SUPT6H: variants seen among roughly 807,000 people sequenced by gnomAD.
The protein encoded by SUPT6H is SPT6 homolog, histone chaperone and transcription elongation factor, also known as transcription elongation factor SPT6.
Under a neutral mutation model 222.3 loss-of-function variants are expected in SUPT6H, and 11 were observed. The ratio of observed to expected loss-of-function variants is 0.05; its 90% CI spans 0.03 to 0.08. The LOEUF is 0.08. SUPT6H is among the 10% of genes least tolerant of loss of function. The probability of loss-of-function intolerance (pLI) is 1.00; values close to 1 mark genes in which losing one functional copy is unlikely to be tolerated. For synonymous variants in SUPT6H, 762 were observed against 801.2 expected, an observed-to-expected ratio of 0.95 and a Z score of 0.83; for missense variants, 1,422 against 2,216.0, an observed-to-expected ratio of 0.64 and a Z score of 7.19.
Position 28,701,452 on chromosome 17 carries a change from G to A in SUPT6H, c.5008G>A (p.Ala1670Thr). 1 of 1,614,100 alleles carries A rather than the reference G, an allele frequency of 6.2e-7. No individual in the cohort carries two copies. The highest frequency in any genetic ancestry group is 8.5e-7 in the Non-Finnish European group (1 of 1,179,994). ...TTCCCCTCCCAGGTCCAACAGCCAT[G>A]CAGCCATCGACTGGGGAAAAATGGC... Reference protein sequence around the residue: ...RQQQPKSNSHAAIDWGKMAEQ... With the variant: ...RQQQPKSNSHTAIDWGKMAEQ... The change falls in exon 37 of 37, where the codon GCA (alanine) becomes ACA (threonine). Residue 1670 changes from alanine to threonine, a missense_variant. Ala to Thr is a moderately conservative substitution (Grantham distance 58, BLOSUM62 0). Around this residue, in one of 13 missense-constraint regions of SUPT6H, gnomAD observed 395 missense variants for 580.6 expected, o/e 0.68. Coordinates refer to ENST00000314616, the MANE Select transcript of SUPT6H (RefSeq NM_003170.5).
At position 28,674,480 on chromosome 17, in the gene SUPT6H, G is replaced by A. The variant is rs991221567; in HGVS notation, c.268+39G>A. 12 of 1,614,064 alleles carry A rather than the reference G, an allele frequency of 7.4e-6. No homozygotes were observed. In the East Asian group the frequency reaches 1.1e-4, roughly 15 times the overall value. ...CGTTGGCTCAAGTGAGGCTTGGGTG[G>A]AGGTTGCAGTGGAAAAGGGCAACCC... On this transcript the variant is annotated intron_variant, in intron 3 of 36. Transcript: ENST00000314616.
chr17:28,668,284 C>A (rs1383937142), intron 1 of SUPT6H, among the ~76,000 whole-genome samples: 1 of 152,174 alleles, frequency 6.6e-6, no homozygotes, highest in Non-Finnish European at 1.5e-5. Context: ...CTACATCAGG[C>A]TCATCATAGA....
intron 17 of SUPT6H, 95 bp from the exon 18 acceptor site, chr17:28,684,491 C>T: frequency 6.8e-7 from 1 of 1,460,056 alleles, no homozygotes; most frequent in Non-Finnish European, 9.5e-7. Flanking sequence ...CACCCTCGCA[C>T]ATGTGTGTAT....
Position 28,690,357 on chromosome 17 carries a change from T to G in SUPT6H, c.3490+128T>G, listed in dbSNP as rs142492753. ...ACATGGGGAAGGCCAGGAGAGCATT[T>G]TAAAAGACTAAAGAGTCCTGGACTG... On this transcript the variant is annotated intron_variant, in intron 26 of 36. Coordinates refer to ENST00000314616, the MANE Select transcript of SUPT6H (RefSeq NM_003170.5). The G allele has an allele frequency of 4.1e-4, 489 of 1,186,516 alleles. 4 individuals carry two copies. The African/African-American group carries it at 5.4e-3, about 13-fold the overall frequency. The allele number at this position is 1,186,516 out of a possible 1,614,324, so 73.5% of individuals were successfully genotyped here.
chr17:28,693,592 G>A, intron 27 of SUPT6H, 104 bp from the exon 28 acceptor site: 1 of 1,341,838 alleles, frequency 7.5e-7, no homozygotes, highest in East Asian at 2.3e-5. Flanking sequence ...CATGGTGCAA[G>A]GTGTCAATGG....
intron 19 of SUPT6H, among the ~76,000 whole-genome samples, chr17:28,685,390 A>G (rs1434644075): frequency 6.6e-6 from 1 of 152,102 alleles, no homozygotes; most frequent in Non-Finnish European, 1.5e-5. Flanking sequence ...TATCTGTAGT[A>G]TCTTTCAGTT....
chr17:28,700,765 C>T (rs1322396264), intron 35 of SUPT6H, 176 bp from the exon 36 acceptor site: 6 of 939,448 alleles, frequency 6.4e-6, no homozygotes, highest in African/African-American at 1.6e-5. Flanking sequence ...GACCAGTGGG[C>T]ACCACTGTGT....
In SUPT6H at chr17:28,691,072, T is replaced by C. The variant is rs1022752015; in HGVS notation, c.3633+9T>C. The C allele has an allele frequency of 3.7e-6, 6 of 1,612,330 alleles. No individual in the cohort carries two copies. Among genetic ancestry groups the C allele is most frequent in the East Asian group, 4.5e-5 (2 of 44,828 alleles). ...TCCCTGAACTAAGCGAGGTGTGTGC[T>C]GCAGCATTATCCTGCTCAGTGGATT... On this transcript the variant is annotated intron_variant, in intron 27 of 36. Coordinates refer to ENST00000314616, the MANE Select transcript of SUPT6H (RefSeq NM_003170.5).
At position 28,689,432 on chromosome 17, in the gene SUPT6H, G is replaced by A; in HGVS notation, c.3213G>A (p.Val1071=). The part of the protein sequence containing the change: ...ETYEWARKMA[V]DALEYDESAE... ...ATGAGTGGGCTAGGAAGATGGCAGT[G>A]GATGCCCTGGAATACGATGAATCAG... Residue 1071 remains valine (V), a synonymous_variant, in exon 25 of 37, where the codon GTG becomes GTA. Coordinates refer to ENST00000314616, the MANE Select transcript of SUPT6H (RefSeq NM_003170.5). 6.2e-7 allele frequency: 1 copy of A among 1,614,222 alleles called. No homozygotes were observed. The highest frequency in any genetic ancestry group is 8.5e-7 in the Non-Finnish European group (1 of 1,180,044).
At chr17:28,678,012 G>A in intron 8 of SUPT6H, 64 bp from the exon 9 acceptor site, 1 of 1,522,124 alleles carries the variant, frequency 6.6e-7, no homozygotes, top group Non-Finnish European at 9.1e-7. Context: ...TTATTAAGCA[G>A]TCTTGTATGG....
At chr17:28,666,447 C>T (rs1005779952) in intron 1 of SUPT6H, among the ~76,000 whole-genome samples, 1 of 152,112 alleles carries the variant, frequency 6.6e-6, no homozygotes, top group Non-Finnish European at 1.5e-5. Context: ...CTGTTAATCT[C>T]TCTTTGTGTT....
At chr17:28,682,149 TC>T (rs1256576067) in intron 13 of SUPT6H, 169 bp downstream of exon 13, 1 of 529,404 alleles carries the variant, frequency 1.9e-6, no homozygotes, top group Non-Finnish European at 3.4e-6. Context: ...CCAAACCCAT[TC>T]CCGCCCGACA....
At position 28,696,997 on chromosome 17, in the gene SUPT6H, A is replaced by G. The variant is rs766487729; in HGVS notation, c.4124A>G (p.Asp1375Gly). The G allele has an allele frequency of 5.0e-6, 8 of 1,614,108 alleles. No individual in the cohort carries two copies. In the East Asian group the frequency reaches 1.8e-4, roughly 36 times the overall value. The change falls in exon 30 of 37, where the codon GAT becomes GGT. Residue 1375 changes from aspartate to glycine, a missense_variant. This residue lies in a region of SUPT6H where 395 missense variants were observed against 580.6 expected (regional missense o/e 0.68). Coordinates refer to ENST00000314616, the MANE Select transcript of SUPT6H (RefSeq NM_003170.5). ...NHLTVTWKVS[D>G]GIYQHVDVRE... ...CTGACAGTGACCTGGAAAGTCAGTG[A>G]TGGCATCTACCAGCATGTGGATGTG...
At chr17:28,697,521 G>A (rs2151663965) in intron 30 of SUPT6H, 99 bp from the exon 31 acceptor site, 3 of 916,854 alleles carry the variant, frequency 3.3e-6, no homozygotes, top group Non-Finnish European at 5.2e-6. Flanking sequence ...GCTATGGACT[G>A]AGAAGCCCAT....
At chr17:28,686,217 C>T (rs1322269432) in intron 19 of SUPT6H, 122 bp from the exon 20 acceptor site, 67 of 875,722 alleles carry the variant, frequency 7.7e-5, no homozygotes, top group Non-Finnish European at 1.2e-4. Context: ...CTTGGTAGCA[C>T]CTTGGACCAG....
intron 6 of SUPT6H, 72 bp downstream of exon 6, chr17:28,675,557 G>A: frequency 8.5e-6 from 13 of 1,534,626 alleles, no homozygotes; most frequent in Non-Finnish European, 1.2e-5. Context: ...GAGATCAGAG[G>A]CCTTTGCCAA....
Position 28,675,408 on chromosome 17 carries a change from C to T in SUPT6H, c.546C>T (p.Asp182=), listed in dbSNP as rs2030687027. Residue 182 remains aspartate (D), a synonymous_variant, in exon 6 of 37, where the codon GAC becomes GAT. Coordinates refer to ENST00000314616, the MANE Select transcript of SUPT6H (RefSeq NM_003170.5). ...CATCCTTTTCCTACCCAGATATTGA[C>T]GACTTCATTGTGGATGATGATGGAC... ...EEEDDEESDI[D]DFIVDDDGQP... The T allele has an allele frequency of 6.8e-6, 11 of 1,614,016 alleles. 1 individual carries two copies. The South Asian group carries it at 8.8e-5, about 13-fold the overall frequency.
chr17:28,674,902 G>T (rs2030648111), intron 4 of SUPT6H, 68 bp from the exon 5 acceptor site: 1 of 1,538,630 alleles, frequency 6.5e-7, no homozygotes. Context: ...AAGGGAGTGA[G>T]ACTGGAGATT....
intron 19 of SUPT6H, among the ~76,000 whole-genome samples, chr17:28,685,476 ATT>A: frequency 9.9e-5 from 2 of 20,210 alleles, no homozygotes; most frequent in Middle Eastern, 0.028. Flanking sequence ...TATTATCATT[ATT>A]ATTATTATTA....
Sources: allele counts gnomAD v4.1 joint callset (sites outside exome capture counted in the v4.1 genomes callset), GRCh38; gene constraint gnomAD v4.1.1; regional missense constraint gnomAD v4.1.1; transcripts MANE v1.5; gene names NCBI Gene and HGNC (gene_info 2026-07-23, HGNC 2026-07-21).